COL11A1: variants seen among roughly 807,000 people sequenced by gnomAD.
COL11A1 encodes collagen type XI alpha 1 chain.
In COL11A1, 74 loss-of-function variants were observed where a neutral mutation model predicts 265.2. That is an observed-to-expected ratio of 0.28 (90% CI 0.23 to 0.34). The LOEUF (loss-of-function observed/expected upper bound fraction) is 0.34. Ranked by LOEUF, COL11A1 falls within the 10% of genes least tolerant of loss-of-function variation. COL11A1 has a pLI of 1.00. For synonymous variants in COL11A1, 816 were observed against 727.6 expected (o/e 1.12, Z -1.96); for missense variants, 2,165 against 2,263.6 (o/e 0.96, Z 0.88).
At chr1:103,052,968 T>TA (rs1170246195) in intron 4 of COL11A1, among the ~76,000 whole-genome samples, 1 of 152,182 alleles carries the variant, frequency 6.6e-6, no homozygotes, top group African/African-American at 2.4e-5. Context: ...ATTTCTTCTT[T>TA]AAAAAGTTAA....
chr1:102,995,947 T>G, intron 27 of COL11A1, 39 bp from the exon 28 acceptor site: 1 of 1,612,830 alleles, frequency 6.2e-7, no homozygotes, highest in Non-Finnish European at 8.5e-7. Flanking sequence ...AATATAACAT[T>G]TCACTTTGAA....
intron 37 of COL11A1, among the ~76,000 whole-genome samples, chr1:102,969,256 T>C (rs908945135): frequency 6.6e-6 from 1 of 152,156 alleles, no homozygotes; most frequent in Non-Finnish European, 1.5e-5. Context: ...TGCTGACAAA[T>C]TGTTTCCTCC....
At chr1:102,919,251 C>T (rs950676544) in intron 49 of COL11A1, among the ~76,000 whole-genome samples, 1 of 151,888 alleles carries the variant, frequency 6.6e-6, no homozygotes, top group Non-Finnish European at 1.5e-5. Context: ...TAAGATTTAT[C>T]TAATGAGTTA....
In COL11A1 at chr1:102,890,522, A is replaced by C; in HGVS notation, c.4303-18T>G. On this transcript the variant is annotated intron_variant, in intron 57 of 66. Coordinates refer to ENST00000370096, the MANE Select transcript of COL11A1 (RefSeq NM_001854.4). ...GGAGGTCCCTAAATAATAACAAAAA[A>C]AAAACCCCAAAACAAAAACAGAGTA... is the stretch of plus-strand genomic sequence containing the variant. 2 of 1,587,876 alleles carry C rather than the reference A, an allele frequency of 1.3e-6. No homozygotes were observed. The highest frequency in any genetic ancestry group is 1.7e-6 in the Non-Finnish European group (2 of 1,170,310).
At chr1:102,933,625 G>A (rs1261307834) in intron 46 of COL11A1, among the ~76,000 whole-genome samples, 4 of 152,176 alleles carry the variant, frequency 2.6e-5, no homozygotes, top group African/African-American at 4.8e-5. Context: ...CACCCAGCTC[G>A]AGCTTCCTGG....
chr1:102,984,819 G>A (rs1663384128), intron 30 of COL11A1, among the ~76,000 whole-genome samples: 1 of 151,956 alleles, frequency 6.6e-6, no homozygotes, highest in Non-Finnish European at 1.5e-5. Flanking sequence ...GATGGTTTTT[G>A]TGGAGTGTTT....
At chr1:103,040,104 C>A in intron 4 of COL11A1, among the ~76,000 whole-genome samples, 2 of 151,982 alleles carry the variant, frequency 1.3e-5, no homozygotes, top group South Asian at 4.1e-4. Context: ...TTTTAAAATA[C>A]ATTTTATTGT....
intron 63 of COL11A1, among the ~76,000 whole-genome samples, chr1:102,886,288 A>G (rs1650964284): frequency 6.6e-6 from 1 of 152,140 alleles, no homozygotes; most frequent in South Asian, 2.1e-4. Flanking sequence ...GCTGTTTGGA[A>G]TATCTGTGGC....
At chr1:102,961,735 C>T in intron 41 of COL11A1, 131 bp downstream of exon 41, 1 of 779,168 alleles carries the variant, frequency 1.3e-6, no homozygotes. Flanking sequence ...GGGAACTAGG[C>T]ATTGACTGAT....
chr1:103,078,961 A>G (rs916967035), intron 2 of COL11A1, 90 bp from the exon 3 acceptor site: 1 of 869,790 alleles, frequency 1.1e-6, no homozygotes, highest in Non-Finnish European at 1.9e-6. Flanking sequence ...AAATTTCTAC[A>G]TGGCCTTTAT....
At position 102,923,319 on chromosome 1, in the gene COL11A1, C is replaced by T; in HGVS notation, c.3654+17G>A. ...CATATAACACATACCCATCAAACAC[C>T]AAAAATAAAAACTTACCATGGGACC... On this transcript the variant is annotated intron_variant, in intron 47 of 66. Transcript: ENST00000370096. 2 of 1,601,382 alleles carry T rather than the reference C, an allele frequency of 1.2e-6. No homozygotes were observed. Among genetic ancestry groups the T allele is most frequent in the East Asian group, 4.5e-5 (2 of 44,248 alleles).
intron 46 of COL11A1, among the ~76,000 whole-genome samples, chr1:102,931,488 T>C (rs1657435940): frequency 6.6e-6 from 1 of 152,196 alleles, no homozygotes; most frequent in African/African-American, 2.4e-5. Context: ...TCTTATACAT[T>C]TGCTGAGGAG....
chr1:103,006,203 A>AAATAAATAAATAAATT, intron 16 of COL11A1, 59 bp downstream of exon 16: 4 of 1,365,082 alleles, frequency 2.9e-6, no homozygotes, highest in Non-Finnish European at 4.0e-6. Flanking sequence ...ATAAATAAAT[A>AAATAAATAAATAAATT]AATAAAACTA....
chr1:102,975,293 A>T (rs1037661712), intron 35 of COL11A1, among the ~76,000 whole-genome samples: 4 of 151,956 alleles, frequency 2.6e-5, no homozygotes, highest in African/African-American at 9.7e-5. Context: ...CTGTTTTAAA[A>T]CTTATTCTAT....
chr1:102,978,342 G>A (rs1570927370), intron 35 of COL11A1, among the ~76,000 whole-genome samples: 1 of 152,044 alleles, frequency 6.6e-6, no homozygotes, highest in African/African-American at 2.4e-5. Context: ...GCATAATTTT[G>A]CTGCCAGCTC....
chr1:103,038,309 A>G lies in COL11A1; in HGVS notation c.652-7065T>C, dbSNP rs925984976. 2.0e-5 allele frequency among the ~76,000 whole-genome samples: 3 copies of G among 152,080 alleles called. No homozygotes were observed. In the East Asian group the frequency reaches 5.8e-4, roughly 29 times the overall value. ...GAAACCCATTCTCCACCAAAAAAAT[A>G]CGAAAGTTAGCTGGGCATGGTGGCG... On this transcript the variant is annotated intron_variant, in intron 4 of 66. Coordinates refer to ENST00000370096, the MANE Select transcript of COL11A1 (RefSeq NM_001854.4).
intron 46 of COL11A1, among the ~76,000 whole-genome samples, chr1:102,932,858 A>C (rs1308690921): frequency 1.3e-5 from 2 of 151,736 alleles, no homozygotes; most frequent in African/African-American, 4.8e-5. Flanking sequence ...TCCCTCGCTG[A>C]TACCCTTTCT....
intron 54 of COL11A1, among the ~76,000 whole-genome samples, chr1:102,904,269 C>T (rs544431070): frequency 6.6e-6 from 1 of 152,314 alleles, no homozygotes; most frequent in African/African-American, 2.4e-5. Flanking sequence ...ACCATATAAA[C>T]CACAGAAGAA....
chr1:102,880,842 C>A (rs1156266535), intron 65 of COL11A1, among the ~76,000 whole-genome samples: 2 of 151,938 alleles, frequency 1.3e-5, no homozygotes, highest in Non-Finnish European at 2.9e-5. Context: ...AGAAAAAAAT[C>A]TACTGGGAAA....
Sources: gnomAD v4.1 joint callset for allele counts (sites outside exome capture counted in the v4.1 genomes callset) on GRCh38, gnomAD v4.1.1 for gene constraint, MANE v1.5 for transcripts, NCBI Gene and HGNC (gene_info 2026-07-23, HGNC 2026-07-21) for gene names.